Variants in DMD observed in about 807,000 individuals in gnomAD.
DMD encodes dystrophin, also known as mutant dystrophin.
Under a neutral mutation model 330.1 loss-of-function variants are expected in DMD, and 63 were observed. That is an observed-to-expected ratio of 0.19 (90% CI 0.16 to 0.24). The LOEUF (loss-of-function observed/expected upper bound fraction) is 0.24, where lower values mean the gene tolerates loss of function less well. Among genes scored for constraint, DMD ranks in the 10% least tolerant of loss-of-function variants. The pLI, the probability that DMD is intolerant of heterozygous loss-of-function variation, is 1.00. For synonymous variants in DMD, 1,223 were observed against 959.8 expected (o/e 1.27, Z -5.07); for missense variants, 3,344 against 2,684.1 (o/e 1.25, Z -5.43).
chrX:33,149,111 C>CTCT (rs747292153), intron 1 of DMD, among the ~76,000 whole-genome samples: 1 of 110,314 alleles, frequency 9.1e-6, no homozygotes, highest in African/African-American at 3.3e-5. Flanking sequence ...CACTTTATTT[C>CTCT]TATTATTATT....
intron 37 of DMD, among the ~76,000 whole-genome samples, chrX:32,352,785 G>A (rs1210134423): frequency 9.0e-6 from 1 of 110,678 alleles, no homozygotes; most frequent in African/African-American, 3.3e-5. Flanking sequence ...GAAAAATTAC[G>A]GGAGTGGGAT....
intron 27 of DMD, among the ~76,000 whole-genome samples, chrX:32,445,752 G>C (rs2098300926): frequency 1.8e-5 from 2 of 110,050 alleles, no homozygotes; most frequent in Non-Finnish European, 3.8e-5. Context: ...GTTGTTTAAA[G>C]GAATACATAG....
At chrX:31,548,464 A>G (rs2074279387) in intron 55 of DMD, among the ~76,000 whole-genome samples, 1 of 111,842 alleles carries the variant, frequency 8.9e-6, no homozygotes, top group African/African-American at 3.2e-5. Flanking sequence ...AAAAATTAGG[A>G]GAGGAATAGA....
intron 34 of DMD, among the ~76,000 whole-genome samples, chrX:32,379,507 C>T (rs1209761067): frequency 9.0e-6 from 1 of 111,197 alleles, no homozygotes; most frequent in Non-Finnish European, 1.9e-5. Flanking sequence ...CATGTATGAT[C>T]CTGAATAACT....
intron 2 of DMD, among the ~76,000 whole-genome samples, chrX:32,907,719 A>T (rs1465511348): frequency 1.8e-5 from 2 of 112,338 alleles, no homozygotes; most frequent in African/African-American, 3.2e-5. Context: ...ATTCAAGAAT[A>T]ATTCAATTAC....
chrX:32,768,636 C>A (rs1569515115), intron 7 of DMD, among the ~76,000 whole-genome samples: 2 of 111,559 alleles, frequency 1.8e-5, no homozygotes, highest in African/African-American at 6.5e-5. Flanking sequence ...ACTGACATTC[C>A]TTCATTTTAG....
chrX:32,772,437 C>T (rs746543567), intron 7 of DMD, among the ~76,000 whole-genome samples: 1 of 112,444 alleles, frequency 8.9e-6, no homozygotes, highest in African/African-American at 3.2e-5. Context: ...AATAACTAGT[C>T]TTTACTCTGT....
intron 3 of DMD, among the ~76,000 whole-genome samples, chrX:32,845,266 A>C (rs954855391): frequency 1.8e-5 from 2 of 111,961 alleles, no homozygotes; most frequent in African/African-American, 6.5e-5. Context: ...TATAATGCCA[A>C]ATAGGGTTAA....
At chrX:32,949,141 C>A (rs765631690) in intron 2 of DMD, among the ~76,000 whole-genome samples, 39 of 110,103 alleles carry the variant, frequency 3.5e-4, no homozygotes, top group Admixed American at 2.7e-3. Context: ...AATACTAAAA[C>A]TACACCCATC....
At chrX:32,770,902 TAA>T (rs2073527017) in intron 7 of DMD, among the ~76,000 whole-genome samples, 1 of 111,772 alleles carries the variant, frequency 8.9e-6, no homozygotes, top group African/African-American at 3.3e-5. Flanking sequence ...TGGCTCTACT[TAA>T]GAGAGGATTT....
At chrX:31,507,910 A>C (rs1324339261) in intron 55 of DMD, among the ~76,000 whole-genome samples, 1 of 111,949 alleles carries the variant, frequency 8.9e-6, no homozygotes, top group Non-Finnish European at 1.9e-5. Context: ...AAAAGCGTGG[A>C]GAGACTAATA....
intron 2 of DMD, among the ~76,000 whole-genome samples, chrX:32,940,872 C>T (rs2090361853): frequency 1.8e-5 from 2 of 111,353 alleles, no homozygotes; most frequent in Admixed American, 1.9e-4. Context: ...AGACAACCTA[C>T]GGAACGGGAG....
In DMD at chrX:32,435,211, G is replaced by GATATATATATAT. The variant is rs57151769; in HGVS notation, c.4071+3018_4071+3029dup. Among the ~76,000 whole-genome samples, 22 of 94,694 alleles carry GATATATATATAT rather than the reference G, an allele frequency of 2.3e-4. No homozygotes were observed. The East Asian group carries it at 3.2e-3, about 14-fold the overall frequency. The allele number at this position is 94,694 out of a possible 115,157, so 82.2% of individuals were successfully genotyped here. Reference sequence around the variant, plus strand: ...ATTTACCAATCACTGCCCTCAGTGGGATATATATATATGTATATTTACATA... The same window carrying GATATATATATAT: ...ATTTACCAATCACTGCCCTCAGTGGGATATATATATATATATATATATATGTATATTTACATA... On this transcript the variant is annotated intron_variant, in intron 29 of 78. Transcript: ENST00000357033.
At chrX:31,278,393 G>A (rs1410812351) in intron 62 of DMD, among the ~76,000 whole-genome samples, 2 of 111,160 alleles carry the variant, frequency 1.8e-5, no homozygotes, top group South Asian at 3.9e-4. Flanking sequence ...GATTCAGGAG[G>A]GGGAGCAAGT....
chrX:32,183,586 A>ATATATATATG (rs1557196749), intron 44 of DMD, among the ~76,000 whole-genome samples: 64 of 99,037 alleles, frequency 6.5e-4, no homozygotes, highest in Non-Finnish European at 1.0e-3. Context: ...ATATATATAT[A>ATATATATATG]TATGTATGTA....
At chrX:31,655,401 A>G (rs1038761948) in intron 54 of DMD, among the ~76,000 whole-genome samples, 4 of 111,157 alleles carry the variant, frequency 3.6e-5, no homozygotes, top group African/African-American at 1.3e-4. Flanking sequence ...AGTCTCACCC[A>G]TATCTAATTT....
chrX:31,880,234 T>C (rs1470203380), intron 47 of DMD, among the ~76,000 whole-genome samples: 1 of 111,945 alleles, frequency 8.9e-6, no homozygotes, highest in African/African-American at 3.2e-5. Context: ...AATAAAATAT[T>C]GGCGTGGGGA....
chrX:32,062,455 T>C (rs138470178), intron 44 of DMD, among the ~76,000 whole-genome samples: 3,111 of 110,691 alleles, frequency 0.028, 48 homozygotes, highest in African/African-American at 0.047. Flanking sequence ...TAAAATTCTA[T>C]ATATGTTATA....
rs950841301 is a variant in DMD at position 32,098,323 on chromosome X, A to G, written c.6438+118593T>C. Among the ~76,000 whole-genome samples the G allele has an allele frequency of 2.7e-5, 3 of 111,893 alleles. No homozygotes were observed. The Middle Eastern group carries it at 0.014, about 518-fold the overall frequency. On this transcript the variant is annotated intron_variant, in intron 44 of 78. Transcript: ENST00000357033. ...AAAATTAAAGTTGGGTATAATTCAA[A>G]TATCAGTCCATTATACAGAAAAAGT...
Sources: gnomAD v4.1 joint callset for allele counts (sites outside exome capture counted in the v4.1 genomes callset) on GRCh38, gnomAD v4.1.1 for gene constraint, MANE v1.5 for transcripts, NCBI Gene and HGNC (gene_info 2026-07-23, HGNC 2026-07-21) for gene names.